Variants in WDR62 observed in about 807,000 individuals in gnomAD.
WDR62 encodes the protein WD repeat domain 62.
Under a neutral mutation model 160.6 loss-of-function variants are expected in WDR62, and 112 were observed. The ratio of observed to expected loss-of-function variants is 0.70; its 90% CI spans 0.60 to 0.82. WDR62 has a LOEUF of 0.82. WDR62 is among the 40% of genes least tolerant of loss of function. The pLI, the probability that WDR62 is intolerant of heterozygous loss-of-function variation, is 0.00. For synonymous variants in WDR62, 792 were observed against 815.1 expected, an observed-to-expected ratio of 0.97 and a Z score of 0.48; for missense variants, 1,819 against 1,983.8, an observed-to-expected ratio of 0.92 and a Z score of 1.58.
downstream of WDR62, among the ~76,000 whole-genome samples, chr19:36,105,311 G>C (rs1973685253): frequency 6.6e-6 from 1 of 152,150 alleles, no homozygotes; most frequent in South Asian, 2.1e-4. Context: ...AGACCAGTGT[G>C]AGGTGCTTAC....
At chr19:36,093,267 CAG>C (rs76073558) in intron 19 of WDR62, among the ~76,000 whole-genome samples, 5,443 of 152,252 alleles carry the variant, frequency 0.036, 140 homozygotes, top group East Asian at 0.11. Flanking sequence ...GGTGGGTAGA[CAG>C]GGGATCTGAG....
At chr19:36,083,662 T>G (rs1972038744) in intron 11 of WDR62, among the ~76,000 whole-genome samples, 1 of 152,118 alleles carries the variant, frequency 6.6e-6, no homozygotes, top group Non-Finnish European at 1.5e-5. Flanking sequence ...TGTTGAGGTT[T>G]GGCAGGATGT....
At chr19:36,064,778 G>A (rs377441445) in intron 3 of WDR62, among the ~76,000 whole-genome samples, 22 of 151,350 alleles carry the variant, frequency 1.5e-4, no homozygotes, top group East Asian at 3.9e-4. Flanking sequence ...GGGTTTTGTC[G>A]TGTTGGCCAG....
At chr19:36,081,659 C>A in intron 10 of WDR62, 89 bp downstream of exon 10, 2 of 1,571,182 alleles carry the variant, frequency 1.3e-6, no homozygotes, top group African/African-American at 1.3e-5. Context: ...GTCTGATGGA[C>A]CCTAGATGTT....
At chr19:36,105,824 G>A (rs111671167), downstream of WDR62, among the ~76,000 whole-genome samples, 4 of 152,068 alleles carry the variant, frequency 2.6e-5, no homozygotes, top group South Asian at 4.1e-4. Context: ...TCAGCCTCCC[G>A]AGTAGCTGGG....
At chr19:36,092,332 G>A (rs7250473) in intron 18 of WDR62, among the ~76,000 whole-genome samples, 1 of 150,946 alleles carries the variant, frequency 6.6e-6, no homozygotes. Flanking sequence ...AAAGAAAATT[G>A]TATGGTGAGA....
chr19:36,057,880 G>C (rs1403172930), intron 1 of WDR62, among the ~76,000 whole-genome samples: 2 of 152,170 alleles, frequency 1.3e-5, no homozygotes, highest in Non-Finnish European at 2.9e-5. Flanking sequence ...TCACTACTGT[G>C]TCTCTCCTGT....
chr19:36,099,553 A>T lies in WDR62; in HGVS notation c.2675A>T (p.Glu892Val). ...LDCYFTPMKP[E>V]SLENSILDSL... ...TGCTACTTTACCCCCATGAAGCCCG[A>T]GAGTCTGGAGAACTCCATTCTGGAT... The change falls in exon 22 of 32, where the codon GAG (glutamate) becomes GTG (valine). Residue 892 changes from glutamate (E) to valine (V), a missense_variant. Transcript: ENST00000401500. The T allele has an allele frequency of 1.2e-6, 2 of 1,614,198 alleles. No homozygotes were observed. Among genetic ancestry groups the T allele is most frequent in the Non-Finnish European group, 1.7e-6 (2 of 1,180,028 alleles).
At chr19:36,110,769 A>G in the WDR62 span, among the ~76,000 whole-genome samples, 1 of 152,158 alleles carries the variant, frequency 6.6e-6, no homozygotes, top group Non-Finnish European at 1.5e-5. Flanking sequence ...GGGCCCCTTC[A>G]GTGTCCTCAG....
rs1375467739 is a variant in WDR62 at position 36,101,213 on chromosome 19, G to A, written c.2868-1G>A. The A allele has an allele frequency of 6.2e-7, 1 of 1,611,630 alleles. No individual in the cohort carries two copies. Among genetic ancestry groups the A allele is most frequent in the Admixed American group, 1.7e-5 (1 of 59,724 alleles). ...CCTCTCTGCCCCCACTGGCACTGCA[G>A]CCAGTATTGCAGGAAGGAGGTGGAG... On this transcript the variant is annotated splice_acceptor_variant, in intron 23 of 31. Transcript: ENST00000401500. LOFTEE classifies it high-confidence loss of function.
At position 36,092,707 on chromosome 19, in the gene WDR62, C is replaced by A; in HGVS notation, c.2229C>A (p.His743Gln). 6.2e-7 allele frequency: 1 copy of A among 1,614,194 alleles called. No homozygotes were observed. Among genetic ancestry groups the A allele is most frequent in the Middle Eastern group, 1.6e-4 (1 of 6,062 alleles). The change falls in exon 19 of 32, where the codon CAC becomes CAA. Residue 743 changes from histidine to glutamine, a missense_variant. His to Gln is a conservative substitution (Grantham distance 24). Around this residue, in one of 3 missense-constraint regions of WDR62, gnomAD observed 934 missense variants for 1,157.2 expected, o/e 0.81. Transcript: ENST00000401500. ...VSGDSCVFIW[H>Q]LGPEITNCMK... ...TCCGCAGCTGCGTGTTCATCTGGCA[C>A]CTGGGCCCGGAGATCACCAACTGCA... is the stretch of plus-strand genomic sequence containing the variant.
chr19:36,105,017 C>A lies in WDR62; in HGVS notation c.4561C>A (p.Arg1521=). The change falls in exon 32 of 32, where the codon CGG becomes AGG. Residue 1521 remains arginine, a synonymous_variant. Transcript: ENST00000401500. ...GGTGCAGGCCGTGCGGAGGAAGGCA[C>A]GGGGGCACTGAGGGCGCAGCCCCTC... ...LLVQAVRRKA[R]GH is the part of the protein sequence containing the mutation. 1 of 1,599,386 alleles carries A rather than the reference C, an allele frequency of 6.3e-7. No individual in the cohort carries two copies. The highest frequency in any genetic ancestry group is 1.1e-5 in the South Asian group (1 of 89,874).
rs113682083 is a variant in WDR62, at chr19:36,100,667, G to A, written c.2740-81G>A. 2.0e-5 allele frequency: 31 copies of A among 1,589,198 alleles called. 1 individual carries two copies. Among genetic ancestry groups the A allele is most frequent in the African/African-American group, 1.6e-4 (12 of 74,576 alleles). On this transcript the variant is annotated intron_variant, in intron 22 of 31. Coordinates refer to ENST00000401500, the MANE Select transcript of WDR62 (RefSeq NM_001083961.2). ...CCTGGTTCACAGCCTCCAGCAGTGGGGCTGCTGGCATGGTTCCTGGCGCAC... is the reference window on the plus strand; with the variant it reads ...CCTGGTTCACAGCCTCCAGCAGTGGAGCTGCTGGCATGGTTCCTGGCGCAC...
In WDR62 at chr19:36,058,715, A is replaced by C. The variant is rs1297744569; in HGVS notation, c.178-65A>C. On this transcript the variant is annotated intron_variant, in intron 1 of 31. Coordinates refer to ENST00000401500, the MANE Select transcript of WDR62 (RefSeq NM_001083961.2). ...TGTAGCAGGACCTGAATGGGTGGCC[A>C]AGGCGGCTGCACCATGTGGTGCTGG... 7 of 1,371,446 alleles carry C rather than the reference A, an allele frequency of 5.1e-6. No homozygotes were observed. The African/African-American group carries it at 7.1e-5, about 14-fold the overall frequency. 85.0% of individuals were successfully genotyped at this position (1,371,446 alleles called of 1,614,324 possible). A position where few individuals can be genotyped will look rare whatever the true frequency, so the allele number is the denominator to read the frequency against.
downstream of WDR62, among the ~76,000 whole-genome samples, chr19:36,105,296 G>A (rs2145892491): frequency 6.6e-6 from 1 of 152,272 alleles, no homozygotes; most frequent in South Asian, 2.1e-4. Flanking sequence ...CCACAGAGCT[G>A]CCACAGACCA....
At chr19:36,078,430 G>C (rs1249128059) in intron 9 of WDR62, among the ~76,000 whole-genome samples, 5 of 152,032 alleles carry the variant, frequency 3.3e-5, no homozygotes, top group African/African-American at 1.2e-4. Flanking sequence ...TTACAGGCGT[G>C]AGCCACTGTG....
chr19:36,060,883 G>A (rs1334568013), intron 3 of WDR62: 1 of 152,238 alleles, frequency 6.6e-6, no homozygotes, highest in Non-Finnish European at 1.5e-5. Context: ...TATTTTCTAA[G>A]AGAAAGACTT....
chr19:36,092,580 T>G, intron 18 of WDR62, 109 bp from the exon 19 acceptor site: 1 of 1,496,210 alleles, frequency 6.7e-7, no homozygotes, highest in East Asian at 2.3e-5. Flanking sequence ...CAGGAGCATC[T>G]GGAGAATGGG....
chr19:36,084,867 G>A (rs1972116968), intron 12 of WDR62, 123 bp downstream of exon 12: 1 of 899,524 alleles, frequency 1.1e-6, no homozygotes, highest in South Asian at 1.4e-5. Flanking sequence ...TTTGTGTTCG[G>A]TAAGGGCCCC....
Sources: gnomAD v4.1 joint callset for allele counts (sites outside exome capture counted in the v4.1 genomes callset) on GRCh38, gnomAD v4.1.1 for gene constraint, gnomAD v4.1.1 regional missense constraint, MANE v1.5 for transcripts, NCBI Gene and HGNC (gene_info 2026-07-23, HGNC 2026-07-21) for gene names.